Variants in AQP4 observed in about 807,000 individuals in gnomAD.
The protein encoded by AQP4 is aquaporin 4, also known as aquaporin-4.
AQP4 carries 18 observed loss-of-function variants against 27.8 expected under a neutral mutation model. The ratio of observed to expected loss-of-function variants is 0.65; its 90% CI spans 0.45 to 0.96. AQP4 has a LOEUF of 0.96. AQP4 is among the 40% of genes least tolerant of loss of function. The pLI is 0.00. For missense variants in AQP4, 412 were observed against 408.2 expected (o/e 1.01, Z -0.08); for synonymous variants, 141 against 142.9 (o/e 0.99, Z 0.10).
At chr18:26,860,958 T>C in intron 3 of AQP4, 106 bp from the exon 4 acceptor site, 1 of 1,362,096 alleles carries the variant, frequency 7.3e-7, no homozygotes, top group African/African-American at 1.4e-5. Context: ...AACCTCAAGA[T>C]ATTAGCAGCT....
chr18:26,858,055 G>A (rs1294983973), intron 4 of AQP4, among the ~76,000 whole-genome samples: 2 of 151,958 alleles, frequency 1.3e-5, no homozygotes. Flanking sequence ...TGGATTGCTT[G>A]AGCCCAGGAG....
Position 26,855,890 on chromosome 18 carries a change from A to G in AQP4, c.*321T>C, listed in dbSNP as rs1156797210. 2.8e-6 allele frequency: 1 copy of G among 353,388 alleles called. No homozygotes were observed. 21.9% of individuals were successfully genotyped at this position (353,388 alleles called of 1,614,324 possible). On this transcript the variant is annotated 3_prime_UTR_variant, in exon 5 of 5. Transcript: ENST00000383168. ...GAATAAGCTGATAGACGTGTCTTTG[A>G]GTTCTGTCAGGCAAGACTTAACCAA... is the stretch of plus-strand genomic sequence containing the variant.
intron 2 of AQP4, 180 bp downstream of exon 2, chr18:26,862,001 AT>A: frequency 1.4e-6 from 1 of 731,000 alleles, no homozygotes; most frequent in South Asian, 1.9e-5. Context: ...GCAAACAATG[AT>A]TTCTTACAGA....
chr18:26,858,207 C>T (rs1446171743), intron 4 of AQP4, among the ~76,000 whole-genome samples: 9 of 151,978 alleles, frequency 5.9e-5, no homozygotes, highest in South Asian at 2.1e-4. Context: ...AGGGAGGTCT[C>T]GGCTGCAGTG....
intron 4 of AQP4, among the ~76,000 whole-genome samples, chr18:26,857,475 C>T (rs1035527705): frequency 7.2e-5 from 11 of 151,900 alleles, no homozygotes; most frequent in Admixed American, 1.3e-4. Context: ...TACAGGTGCC[C>T]GCCACCACGC....
At chr18:26,857,196 T>C (rs2054859535) in intron 4 of AQP4, among the ~76,000 whole-genome samples, 1 of 152,178 alleles carries the variant, frequency 6.6e-6, no homozygotes, top group South Asian at 2.1e-4. Flanking sequence ...GAAAACCTCG[T>C]GTTCATTACT....
Position 26,861,259 on chromosome 18 carries a change from C to T in AQP4, c.484G>A (p.Val162Ile). Residue 162 changes from valine (V) to isoleucine (I), a missense_variant, in exon 3 of 5, where the codon GTT becomes ATT. Coordinates refer to ENST00000383168, the MANE Select transcript of AQP4 (RefSeq NM_001650.7). Reference sequence around the variant, plus strand: ...AATTGAAATGTGATTATCAACTCAACCAGGAGACCATGACCAGCGGTAAGA... The same window carrying T: ...AATTGAAATGTGATTATCAACTCAATCAGGAGACCATGACCAGCGGTAAGA... ...GNLTAGHGLL[V>I]ELIITFQLVF... 2 of 1,614,056 alleles carry T rather than the reference C, an allele frequency of 1.2e-6. No homozygotes were observed. Among genetic ancestry groups the T allele is most frequent in the Non-Finnish European group, 8.5e-7 (1 of 1,179,940 alleles).
chr18:26,858,862 T>C (rs760161663), intron 4 of AQP4, among the ~76,000 whole-genome samples: 1 of 152,308 alleles, frequency 6.6e-6, no homozygotes, highest in East Asian at 1.9e-4. Context: ...AGAAAATGTG[T>C]AAAAGTATAA....
In AQP4 at chr18:26,856,249, C is replaced by A. The variant is rs753748633; in HGVS notation, c.934G>T (p.Gly312Trp). 2 of 1,614,050 alleles carry A rather than the reference C, an allele frequency of 1.2e-6. No homozygotes were observed. Among genetic ancestry groups the A allele is most frequent in the African/African-American group, 1.3e-5 (1 of 74,906 alleles). Reference protein sequence around the residue: ...IDVDRGEEKKGKDQSGEVLSS... With the variant: ...IDVDRGEEKKWKDQSGEVLSS... Reference sequence around the variant, plus strand: ...AATACCTCTCCAGATTGGTCTTTCCCCTTCTTCTCCTCTCCCCGGTCAACG... The same window carrying A: ...AATACCTCTCCAGATTGGTCTTTCCACTTCTTCTCCTCTCCCCGGTCAACG... Residue 312 changes from glycine (G) to tryptophan (W), a missense_variant, in exon 5 of 5, where the codon GGG becomes TGG. Transcript: ENST00000383168.
intron 4 of AQP4, among the ~76,000 whole-genome samples, chr18:26,859,926 G>A (rs1444194503): frequency 4.6e-5 from 7 of 152,324 alleles, no homozygotes; most frequent in African/African-American, 1.7e-4. Context: ...GCTCTTTGAA[G>A]CTGGCTTACA....
chr18:26,862,721 C>A, intron 1 of AQP4, 125 bp from the exon 2 acceptor site: 3 of 1,258,780 alleles, frequency 2.4e-6, no homozygotes, highest in Non-Finnish European at 3.4e-6. Context: ...ATTTGCACAC[C>A]AAGAAAGAAT....
intron 3 of AQP4, 91 bp from the exon 4 acceptor site, chr18:26,860,943 A>C (rs1204420010): frequency 1.4e-6 from 2 of 1,429,658 alleles, no homozygotes; most frequent in African/African-American, 2.8e-5. Flanking sequence ...TTTGTCACTT[A>C]GAGGAACCTC....
chr18:26,852,926 T>C lies in AQP4; in HGVS notation c.*3285A>G. The C allele has an allele frequency of 2.5e-6, 1 of 398,490 alleles. No homozygotes were observed. The highest frequency in any genetic ancestry group is 6.3e-4 in the Middle Eastern group (1 of 1,588). 24.7% of individuals were successfully genotyped at this position (398,490 alleles called of 1,614,324 possible). ...TCGTAACGTGAGGTTGGTGTCAACATGCTGCAATCAGAGGCCTTCTAGGAT... is the reference window on the plus strand; with the variant it reads ...TCGTAACGTGAGGTTGGTGTCAACACGCTGCAATCAGAGGCCTTCTAGGAT... On this transcript the variant is annotated 3_prime_UTR_variant, in exon 5 of 5. Coordinates refer to ENST00000383168, the MANE Select transcript of AQP4 (RefSeq NM_001650.7).
rs926920842 is a variant in AQP4, at chr18:26,853,164, A to T, written c.*3047T>A. The T allele has an allele frequency of 2.4e-5, 8 of 336,448 alleles. No individual in the cohort carries two copies. Among genetic ancestry groups the T allele is most frequent in the Non-Finnish European group, 4.3e-5 (8 of 187,402 alleles). 20.8% of individuals were successfully genotyped at this position (336,448 alleles called of 1,614,324 possible). On this transcript the variant is annotated 3_prime_UTR_variant, in exon 5 of 5. Coordinates refer to ENST00000383168, the MANE Select transcript of AQP4 (RefSeq NM_001650.7). The stretch of plus-strand genomic sequence containing the variant: ...TGTAAAGTCTTCAATACTGAGCAGC[A>T]GCTCTAGCTAGCACCTATGAGCTGC...
intron 1 of AQP4, among the ~76,000 whole-genome samples, chr18:26,864,829 C>T (rs954359480): frequency 2.0e-5 from 3 of 152,048 alleles, no homozygotes; most frequent in Admixed American, 2.0e-4. Context: ...AGAGGTGGGA[C>T]CCAGAAAAGG....
intron 1 of AQP4, among the ~76,000 whole-genome samples, chr18:26,863,780 C>T (rs971967330): frequency 3.9e-5 from 6 of 152,134 alleles, no homozygotes; most frequent in Admixed American, 3.9e-4. Context: ...TTTTTGATGG[C>T]TTTCTGTTAC....
rs886513761 is a variant in AQP4, at chr18:26,856,371, T to C, written c.812A>G (p.Gln271Arg). The C allele has an allele frequency of 5.6e-6, 9 of 1,614,138 alleles. No individual in the cohort carries two copies. In the African/African-American group the frequency reaches 1.1e-4, roughly 19 times the overall value. The stretch of plus-strand genomic sequence containing the variant: ...CTCCATGTAGCTTCCTTTTGTTTGC[T>C]GGGCAGCTTTGCTGAAGGCTTCTTT... ...RFKEAFSKAA[Q>R]QTKGSYMEVE... Residue 271 changes from glutamine (Q) to arginine (R), a missense_variant, in exon 5 of 5, where the codon CAG becomes CGG. Gln to Arg is a conservative substitution (Grantham distance 43). Coordinates refer to ENST00000383168, the MANE Select transcript of AQP4 (RefSeq NM_001650.7).
chr18:26,863,098 T>G (rs2054988810), intron 1 of AQP4: 1 of 180,368 alleles, frequency 5.5e-6, no homozygotes, highest in Non-Finnish European at 1.2e-5. Flanking sequence ...GGGGAAGCCT[T>G]CTAGGAAACC....
Position 26,856,471 on chromosome 18 carries a change from T to G in AQP4, c.712A>C (p.Ile238Leu). The G allele has an allele frequency of 4.3e-6, 7 of 1,614,230 alleles. 1 individual carries two copies. Among genetic ancestry groups the G allele is most frequent in the Non-Finnish European group, 5.9e-6 (7 of 1,180,034 alleles). The change falls in exon 5 of 5, where the codon ATC becomes CTC. Residue 238 changes from isoleucine (I) to leucine (L), a missense_variant. Coordinates refer to ENST00000383168, the MANE Select transcript of AQP4 (RefSeq NM_001650.7). ...ENHWIYWVGP[I>L]IGAVLAGGLY... is the part of the protein sequence containing the mutation. ...CCACCAGCGAGGACAGCTCCTATGA[T>G]GGGCCCAACCCAATATATCTAAGGA...
Sources: allele counts gnomAD v4.1 joint callset (sites outside exome capture counted in the v4.1 genomes callset), GRCh38; gene constraint gnomAD v4.1.1; transcripts MANE v1.5; gene names NCBI Gene and HGNC (gene_info 2026-07-23, HGNC 2026-07-21).